Variants in PITPNM2 observed in about 807,000 individuals in gnomAD.
The protein encoded by PITPNM2 is phosphatidylinositol transfer protein membrane associated 2, also known as membrane-associated phosphatidylinositol transfer protein 2.
Under a neutral mutation model 132.2 loss-of-function variants are expected in PITPNM2, and 35 were observed. The ratio of observed to expected loss-of-function variants is 0.26; its 90% CI spans 0.20 to 0.35. The LOEUF (loss-of-function observed/expected upper bound fraction) is 0.35, where lower values mean the gene tolerates loss of function less well. PITPNM2 is among the 10% of genes least tolerant of loss of function. PITPNM2 has a pLI of 1.00. For synonymous variants in PITPNM2, 738 were observed against 799.2 expected (o/e 0.92, Z 1.29); for missense variants, 1,332 against 1,912.0 (o/e 0.70, Z 5.66).
intron 2 of PITPNM2, among the ~76,000 whole-genome samples, chr12:123,093,843 G>T (rs946334894): frequency 6.6e-6 from 1 of 152,244 alleles, no homozygotes; most frequent in Non-Finnish European, 1.5e-5. Context: ...GAGGAACCTG[G>T]AGTCTATGGA....
intron 17 of PITPNM2, 60 bp from the exon 18 acceptor site, chr12:122,990,008 A>C (rs1208684079): frequency 1.3e-5 from 16 of 1,248,802 alleles, no homozygotes; most frequent in Non-Finnish European, 1.6e-5. Flanking sequence ...TGCCACGTCT[A>C]CCAGGGGCCA....
intron 3 of PITPNM2, among the ~76,000 whole-genome samples, chr12:123,026,195 C>G (rs756181647): frequency 6.6e-6 from 1 of 152,244 alleles, no homozygotes; most frequent in Non-Finnish European, 1.5e-5. Flanking sequence ...GGAGACAGGA[C>G]TACCTATCTG....
intron 3 of PITPNM2, among the ~76,000 whole-genome samples, chr12:123,015,045 T>C (rs889291486): frequency 6.6e-6 from 1 of 152,202 alleles, no homozygotes; most frequent in Admixed American, 6.5e-5. Context: ...AAGTTCTAAA[T>C]AAATGGAAAG....
chr12:123,051,354 C>T (rs1763936345), intron 2 of PITPNM2, among the ~76,000 whole-genome samples: 1 of 152,256 alleles, frequency 6.6e-6, no homozygotes, highest in African/African-American at 2.4e-5. Flanking sequence ...CTATTTCTCT[C>T]CTCTTTCTGG....
chr12:123,005,922 A>C lies in PITPNM2; in HGVS notation c.644-374T>G. 1.0e-5 allele frequency: 2 copies of C among 194,598 alleles called. No individual in the cohort carries two copies. The highest frequency in any genetic ancestry group is 2.0e-5 in the Non-Finnish European group (2 of 97,910). The allele number at this position is 194,598 out of a possible 1,614,324, so 12.1% of individuals were successfully genotyped here. A position where few individuals can be genotyped will look rare whatever the true frequency, so the allele number is the denominator to read the frequency against. ...AGATCAGCCTGGGCAACGAAACAAG[A>C]CCCTGTCTCTATAAAAAAAAAAAAA... On this transcript the variant is annotated intron_variant, in intron 6 of 25. Transcript: ENST00000320201. This position sits in a 1 kb window ranked among gnomAD's most constrained non-coding sequence, Gnocchi z 6.2.
chr12:123,089,407 T>C (rs1321985834), intron 2 of PITPNM2: 1 of 152,192 alleles, frequency 6.6e-6, no homozygotes, highest in East Asian at 1.9e-4. Flanking sequence ...GGCTCTAAAA[T>C]GTAACATTTG....
chr12:123,045,901 C>A (rs566096167), intron 2 of PITPNM2, among the ~76,000 whole-genome samples: 2 of 152,268 alleles, frequency 1.3e-5, no homozygotes, highest in South Asian at 4.1e-4. Context: ...CCCCGTGACT[C>A]CTTCTGCAAT....
intron 1 of PITPNM2, among the ~76,000 whole-genome samples, chr12:123,140,580 C>A (rs2137653288): frequency 6.6e-6 from 1 of 152,268 alleles, no homozygotes; most frequent in East Asian, 1.9e-4. Flanking sequence ...CTGCCCCACC[C>A]CCTAACAGAA....
rs2038297575 is a variant in PITPNM2 at position 122,993,721 on chromosome 12, T to C, written c.2234-1052A>G. Among the ~76,000 whole-genome samples the C allele has an allele frequency of 1.3e-5, 2 of 152,290 alleles. No homozygotes were observed. The highest frequency in any genetic ancestry group is 4.1e-4 in the South Asian group (2 of 4,830). ...GGACTCTGTGGGGCTGTTCAGAGCC[T>C]GCAGTGGCTGGGGCACAGGGATGCC... On this transcript the variant is annotated intron_variant, in intron 15 of 25. Transcript: ENST00000320201. The surrounding 1 kb of genome is among the most constrained non-coding windows in gnomAD (Gnocchi z 5.2).
intron 2 of PITPNM2, among the ~76,000 whole-genome samples, chr12:123,034,953 C>A (rs2040217481): frequency 6.6e-6 from 1 of 152,226 alleles, no homozygotes; most frequent in African/African-American, 2.4e-5. Flanking sequence ...ATTGTCACTC[C>A]ATAAACAAGG....
chr12:123,126,050 T>C (rs922089855), intron 1 of PITPNM2, among the ~76,000 whole-genome samples: 2 of 151,200 alleles, frequency 1.3e-5, no homozygotes, highest in African/African-American at 4.9e-5. Context: ...TTTGTATTTT[T>C]AGTAGAGACA....
chr12:122,993,131 A>AT lies in PITPNM2; in HGVS notation c.2234-463dup, dbSNP rs1221930270. Among the ~76,000 whole-genome samples, 3 of 151,872 alleles carry AT rather than the reference A, an allele frequency of 2.0e-5. No individual in the cohort carries two copies. Among genetic ancestry groups the AT allele is most frequent in the Admixed American group, 6.6e-5 (1 of 15,244 alleles). On this transcript the variant is annotated intron_variant, in intron 15 of 25. Transcript: ENST00000320201. This position sits in a 1 kb window ranked among gnomAD's most constrained non-coding sequence, Gnocchi z 5.2. ...CGTGAGCCACCACGCCTGACCTCTA[A>AT]TTTTTTTTCATTGCAAAAGTTATAA...
intron 1 of PITPNM2, among the ~76,000 whole-genome samples, chr12:123,118,018 C>G (rs1166472289): frequency 6.6e-6 from 1 of 152,226 alleles, no homozygotes; most frequent in Non-Finnish European, 1.5e-5. Flanking sequence ...GTGAAAGGAT[C>G]CTGGGTCCCC....
Position 122,997,322 on chromosome 12 carries a change from C to T in PITPNM2, c.1472+3G>A, listed in dbSNP as rs2038472746. 1.2e-6 allele frequency: 2 copies of T among 1,612,390 alleles called. No individual in the cohort carries two copies. Among genetic ancestry groups the T allele is most frequent in the Non-Finnish European group, 1.7e-6 (2 of 1,179,842 alleles). Reference sequence around the variant, plus strand: ...GCTGCAATCAAGGGCAGATGCCACTCACTTGGAGACCAGGGCAAAGGCGTC... The same window carrying T: ...GCTGCAATCAAGGGCAGATGCCACTTACTTGGAGACCAGGGCAAAGGCGTC... On this transcript the variant is annotated splice_donor_region_variant and intron_variant, in intron 11 of 25. Coordinates refer to ENST00000320201, the MANE Select transcript of PITPNM2 (RefSeq NM_020845.3).
intron 1 of PITPNM2, among the ~76,000 whole-genome samples, chr12:123,116,317 T>G (rs11061615): frequency 0.018 from 2,714 of 152,188 alleles, 34 homozygotes; most frequent in Non-Finnish European, 0.029. Flanking sequence ...ATAAACAAAA[T>G]GTAGTCTATC....
rs1566244918 is a variant in PITPNM2 at position 123,009,443 on chromosome 12, G to A, written c.643+407C>T. Among the ~76,000 whole-genome samples the A allele has an allele frequency of 6.6e-6, 1 of 152,158 alleles. No individual in the cohort carries two copies. The highest frequency in any genetic ancestry group is 1.5e-5 in the Non-Finnish European group (1 of 68,002). ...AGGCTGAGCTGTGGCCCTGGGTTCT[G>A]GGCCTCCTTGAGTAGAGGAAACAAA... On this transcript the variant is annotated intron_variant, in intron 6 of 25. Transcript: ENST00000320201. This position sits in a 1 kb window ranked among gnomAD's most constrained non-coding sequence, Gnocchi z 4.8.
chr12:123,003,422 A>G (rs1423718525), intron 8 of PITPNM2, among the ~76,000 whole-genome samples: 1 of 152,110 alleles, frequency 6.6e-6, no homozygotes, highest in East Asian at 1.9e-4. Context: ...GCCACCTGGG[A>G]GGGGTGGGAC....
rs1347217302 is a variant in PITPNM2 at position 123,058,635 on chromosome 12, C to T, written c.-95-23950G>A. ...AGCTCCAAAGCCCTCAAGAGCAGCA[C>T]CTGCCTCTTACACCTCGGCCCCAAG... On this transcript the variant is annotated intron_variant, in intron 2 of 25. Coordinates refer to ENST00000320201, the MANE Select transcript of PITPNM2 (RefSeq NM_020845.3). This position sits in a 1 kb window ranked among gnomAD's most constrained non-coding sequence, Gnocchi z 4.0. Among the ~76,000 whole-genome samples, 4 of 152,190 alleles carry T rather than the reference C, an allele frequency of 2.6e-5. No homozygotes were observed. The highest frequency in any genetic ancestry group is 7.2e-5 in the African/African-American group (3 of 41,438).
Position 123,077,956 on chromosome 12 carries a change from G to A in PITPNM2, c.-96+32429C>T, listed in dbSNP as rs374664071. ...GGCCTCAGGGGGCCGCCCCCAGCAC[G>A]CAGCTCTCCCAGCAGCCCATGCCTG... On this transcript the variant is annotated intron_variant, in intron 2 of 25. Transcript: ENST00000320201. This position sits in a 1 kb window ranked among gnomAD's most constrained non-coding sequence, Gnocchi z 4.8. 1.6e-4 allele frequency among the ~76,000 whole-genome samples: 24 copies of A among 152,302 alleles called. No individual in the cohort carries two copies. Among genetic ancestry groups the A allele is most frequent in the East Asian group, 7.7e-4 (4 of 5,170 alleles).
Sources: gnomAD v4.1 joint callset for allele counts (sites outside exome capture counted in the v4.1 genomes callset) on GRCh38, gnomAD v4.1.1 for gene constraint, Gnocchi (gnomAD v3.1) non-coding constraint, MANE v1.5 for transcripts, NCBI Gene and HGNC (gene_info 2026-07-23, HGNC 2026-07-21) for gene names.